The following CSMD1 variants were observed in gnomAD, a reference collection of about 807,000 sequenced individuals.
The protein encoded by CSMD1 is CUB and Sushi multiple domains 1.
In CSMD1, 213 loss-of-function variants were observed where a neutral mutation model predicts 417.5. That is an observed-to-expected ratio of 0.51 (90% CI 0.46 to 0.57). The LOEUF (loss-of-function observed/expected upper bound fraction) is 0.57, where lower values mean the gene tolerates loss of function less well. Ranked by LOEUF, CSMD1 falls within the 20% of genes least tolerant of loss-of-function variation. CSMD1 has a pLI of 0.00. For missense variants in CSMD1, 6,923 were observed against 4,529.7 expected, an observed-to-expected ratio of 1.53 and a Z score of -15.17; for synonymous variants, 2,862 against 1,736.8, an observed-to-expected ratio of 1.65 and a Z score of -16.11.
At chr8:4,170,690 C>A (rs575829983) in intron 3 of CSMD1, among the ~76,000 whole-genome samples, 3 of 150,708 alleles carry the variant, frequency 2.0e-5, no homozygotes, top group Non-Finnish European at 1.5e-5. Flanking sequence ...AGAACTCTGA[C>A]AAAAGTAAAC....
chr8:3,496,050 C>T (rs1563093450), intron 10 of CSMD1, among the ~76,000 whole-genome samples: 2 of 152,156 alleles, frequency 1.3e-5, no homozygotes, highest in Non-Finnish European at 2.9e-5. Flanking sequence ...TTCCCTGAAG[C>T]TTTCCCCAAC....
intron 3 of CSMD1, among the ~76,000 whole-genome samples, chr8:4,415,011 G>T (rs1225708075): frequency 6.6e-6 from 1 of 152,162 alleles, no homozygotes; most frequent in Non-Finnish European, 1.5e-5. Context: ...TCACATAGAA[G>T]CATAGGCAAG....
intron 11 of CSMD1, among the ~76,000 whole-genome samples, chr8:3,489,306 A>ACTTGCAAAAATGGATTAATCCAG: frequency 6.6e-6 from 1 of 152,316 alleles, no homozygotes; most frequent in Middle Eastern, 3.4e-3. Context: ...GGCAGAGGCT[A>ACTTGCAAAAATGGATTAATCCAG]CCCTACTTGC....
intron 3 of CSMD1, among the ~76,000 whole-genome samples, chr8:4,131,400 T>A (rs1340319410): frequency 1.3e-5 from 2 of 152,180 alleles, no homozygotes; most frequent in East Asian, 3.9e-4. Flanking sequence ...AAGCCTTCCT[T>A]GAGCTATTTG....
chr8:4,591,432 A>C (rs1178093983), intron 2 of CSMD1, among the ~76,000 whole-genome samples: 1 of 152,214 alleles, frequency 6.6e-6, no homozygotes, highest in Non-Finnish European at 1.5e-5. Context: ...TCCAAACAGA[A>C]ATGAGCAAAG....
At chr8:3,559,525 G>T (rs1405482747) in intron 10 of CSMD1, among the ~76,000 whole-genome samples, 1 of 152,056 alleles carries the variant, frequency 6.6e-6, no homozygotes, top group African/African-American at 2.4e-5. Context: ...GAAGGAAGAG[G>T]AAAAATGGAA....
intron 1 of CSMD1, among the ~76,000 whole-genome samples, chr8:4,809,429 T>C (rs1798774320): frequency 2.0e-5 from 3 of 152,170 alleles, no homozygotes; most frequent in South Asian, 2.1e-4. Flanking sequence ...TTTCCAAACA[T>C]TACCTGCAAT....
chr8:4,432,029 A>G (rs1005746742), intron 2 of CSMD1, among the ~76,000 whole-genome samples: 5 of 152,080 alleles, frequency 3.3e-5, no homozygotes, highest in Non-Finnish European at 7.4e-5. Context: ...GCCTGCAAAA[A>G]TGTGTAAGGA....
intron 2 of CSMD1, among the ~76,000 whole-genome samples, chr8:4,553,201 G>GT (rs1161659085): frequency 6.6e-6 from 1 of 152,122 alleles, no homozygotes; most frequent in Non-Finnish European, 1.5e-5. Flanking sequence ...TTTCACATGT[G>GT]TGTCTGTGGA....
Position 2,951,018 on chromosome 8 carries a change from A to G in CSMD1, c.10201+96T>C, listed in dbSNP as rs550765578. 23 of 1,235,672 alleles carry G rather than the reference A, an allele frequency of 1.9e-5. No individual in the cohort carries two copies. In the East Asian group the frequency reaches 2.6e-4, roughly 14 times the overall value. 76.5% of individuals were successfully genotyped at this position (1,235,672 alleles called of 1,614,324 possible). ...TATATACAAAGCCAACAGAACAGTA[A>G]TAAGTACTTAATACTTACTAGATCA... On this transcript the variant is annotated intron_variant, in intron 66 of 69. Transcript: ENST00000635120.
In CSMD1 at chr8:4,655,844, C is replaced by G. The variant is rs993060562; in HGVS notation, c.86-18286G>C. On this transcript the variant is annotated intron_variant, in intron 1 of 69. Transcript: ENST00000635120. ...TGTGGATTAGAATTCAGCTAATTCA[C>G]TTACTGAGAAAGAAAAGAAAAGCAT... 7.9e-5 allele frequency among the ~76,000 whole-genome samples: 12 copies of G among 152,054 alleles called. No individual in the cohort carries two copies. The East Asian group carries it at 1.3e-3, about 17-fold the overall frequency.
chr8:3,938,131 A>C (rs887348756), intron 5 of CSMD1, among the ~76,000 whole-genome samples: 1 of 152,140 alleles, frequency 6.6e-6, no homozygotes, highest in African/African-American at 2.4e-5. Context: ...GTTAGATGTA[A>C]ATAAATATTT....
intron 5 of CSMD1, among the ~76,000 whole-genome samples, chr8:3,934,019 C>T (rs1428280018): frequency 6.6e-6 from 1 of 151,644 alleles, no homozygotes; most frequent in Non-Finnish European, 1.5e-5. Flanking sequence ...AGGCCTGAAT[C>T]CACAATGAGT....
intron 2 of CSMD1, among the ~76,000 whole-genome samples, chr8:4,594,285 C>G (rs1285786125): frequency 6.9e-6 from 1 of 145,220 alleles, no homozygotes; most frequent in Non-Finnish European, 1.5e-5. Context: ...CTCACTGCAA[C>G]CTCTGACTCC....
chr8:3,283,772 C>A (rs372589617), intron 26 of CSMD1, among the ~76,000 whole-genome samples: 6 of 152,202 alleles, frequency 3.9e-5, no homozygotes, highest in Non-Finnish European at 8.8e-5. Flanking sequence ...AGTTCCTCCC[C>A]GTTTATCACC....
chr8:3,308,251 C>A, intron 24 of CSMD1, 61 bp downstream of exon 24: 1 of 1,315,842 alleles, frequency 7.6e-7, no homozygotes, highest in Admixed American at 2.0e-5. Context: ...GTCAATGCAA[C>A]ATGGTGCAAG....
At chr8:3,743,759 A>T (rs1796930379) in intron 6 of CSMD1, among the ~76,000 whole-genome samples, 1 of 152,160 alleles carries the variant, frequency 6.6e-6, no homozygotes, top group Admixed American at 6.5e-5. Flanking sequence ...AAATTTCACC[A>T]TGGCGATGTA....
At chr8:3,506,232 G>A (rs10109385) in intron 10 of CSMD1, among the ~76,000 whole-genome samples, 35,725 of 151,910 alleles carry the variant, frequency 0.24, 4,631 homozygotes, top group Middle Eastern at 0.34. Flanking sequence ...TGGGGGAGAG[G>A]GTGCAGGTGA....
intron 1 of CSMD1, among the ~76,000 whole-genome samples, chr8:4,781,132 T>G (rs1006925728): frequency 3.3e-5 from 5 of 152,162 alleles, no homozygotes; most frequent in Non-Finnish European, 7.3e-5. Context: ...AGTGCAGGTG[T>G]CACCTGCAAT....
Sources: allele counts gnomAD v4.1 joint callset (sites outside exome capture counted in the v4.1 genomes callset), GRCh38; gene constraint gnomAD v4.1.1; transcripts MANE v1.5; gene names NCBI Gene and HGNC (gene_info 2026-07-23, HGNC 2026-07-21).